The following TENM1 variants were observed in gnomAD, a reference collection of about 807,000 sequenced individuals.
TENM1 encodes the protein teneurin-1.
In TENM1, 35 loss-of-function variants were observed where a neutral mutation model predicts 174.8. That is an observed-to-expected ratio of 0.20 (90% CI 0.15 to 0.27). TENM1 has a LOEUF of 0.27. TENM1 is among the 10% of genes least tolerant of loss of function. The pLI, the probability that TENM1 is intolerant of heterozygous loss-of-function variation, is 1.00. For missense variants in TENM1, 1,633 were observed against 2,130.1 expected, an observed-to-expected ratio of 0.77 and a Z score of 4.59; for synonymous variants, 781 against 798.7, an observed-to-expected ratio of 0.98 and a Z score of 0.37.
intron 19 of TENM1, among the ~76,000 whole-genome samples, chrX:124,499,857 G>A (rs910276976): frequency 8.9e-6 from 1 of 111,810 alleles, no homozygotes; most frequent in Non-Finnish European, 1.9e-5. Flanking sequence ...TTTCAGCAAT[G>A]CACTATAGTG....
intron 3 of TENM1, among the ~76,000 whole-genome samples, chrX:124,892,435 A>C (rs980199980): frequency 8.9e-6 from 1 of 111,892 alleles, no homozygotes; most frequent in Non-Finnish European, 1.9e-5. Context: ...GGGCAACCAA[A>C]CAGAGTTAAG....
At chrX:124,498,004 A>G in intron 19 of TENM1, among the ~76,000 whole-genome samples, 1 of 111,035 alleles carries the variant, frequency 9.0e-6, no homozygotes, top group East Asian at 2.9e-4. Flanking sequence ...TTCCTTCTAG[A>G]CCTCTTTACT....
exon 24 of TENM1, chrX:124,422,488 C>T (rs749596467): frequency 6.6e-6 from 8 of 1,209,298 alleles, no homozygotes; most frequent in African/African-American, 5.3e-5. Context: ...AGGAAATGAT[C>T]GATGCCTGGC....
chrX:124,820,212 A>G (rs1188441064), intron 3 of TENM1, among the ~76,000 whole-genome samples: 1 of 111,058 alleles, frequency 9.0e-6, no homozygotes, highest in African/African-American at 3.3e-5. Context: ...CAGACAACCC[A>G]TTTTGCTTCC....
chrX:125,096,289 C>T, the TENM1 span, among the ~76,000 whole-genome samples: 3 of 112,009 alleles, frequency 2.7e-5, no homozygotes, highest in Non-Finnish European at 5.6e-5. Flanking sequence ...TGTGGCTAAA[C>T]AGCAAGTTGT....
chrX:124,951,639 A>AAT (rs1156297240), intron 1 of TENM1, among the ~76,000 whole-genome samples: 59 of 63,016 alleles, frequency 9.4e-4, no homozygotes, highest in Admixed American at 5.5e-3. Flanking sequence ...GAAAAGTTAA[A>AAT]ATATATATAT....
chrX:125,112,134 T>TTGTGTGTG, the TENM1 span, among the ~76,000 whole-genome samples: 1,372 of 92,681 alleles, frequency 0.015, 11 homozygotes, highest in South Asian at 0.032. Context: ...TTTAATGAAA[T>TTGTGTGTG]TGTGTGTGTG....
chrX:124,887,668 C>T (rs1190935234), intron 3 of TENM1, among the ~76,000 whole-genome samples: 1 of 111,253 alleles, frequency 9.0e-6, no homozygotes, highest in Non-Finnish European at 1.9e-5. Flanking sequence ...ACAGTCACCA[C>T]AGAAGTGTCT....
chrX:124,526,270 T>C (rs930322564), intron 16 of TENM1, among the ~76,000 whole-genome samples: 1 of 111,765 alleles, frequency 8.9e-6, no homozygotes, highest in African/African-American at 3.3e-5. Flanking sequence ...TTCCTGAGAG[T>C]TTCCAGTCTT....
At chrX:124,606,711 G>C (rs138467103) in intron 11 of TENM1, among the ~76,000 whole-genome samples, 1,334 of 111,453 alleles carry the variant, frequency 0.012, 16 homozygotes, top group African/African-American at 0.042. Flanking sequence ...AATGAGCATG[G>C]GTTCTAGAAT....
chrX:124,646,832 T>TA (rs771200180), intron 8 of TENM1, 22 bp from the exon 12 acceptor site: 44 of 1,072,858 alleles, frequency 4.1e-5, no homozygotes, highest in East Asian at 9.1e-5. Flanking sequence ...GAGAAAAAGA[T>TA]AAAAAAAATG....
chrX:124,652,322 G>A (rs146410793), intron 7 of TENM1, among the ~76,000 whole-genome samples, 198 bp from the exon 11 acceptor site: 1,197 of 111,274 alleles, frequency 0.011, 15 homozygotes, highest in African/African-American at 0.037. Context: ...ACTTTGGGAG[G>A]CGAGGACAGG....
chrX:124,524,804 G>A (rs2047937241), intron 16 of TENM1, among the ~76,000 whole-genome samples: 2 of 104,192 alleles, frequency 1.9e-5, no homozygotes, highest in Admixed American at 1.0e-4. Context: ...TCTCTTTTAA[G>A]TATAATGACG....
chrX:124,851,853 G>A (rs972494164), intron 3 of TENM1, among the ~76,000 whole-genome samples: 4 of 111,452 alleles, frequency 3.6e-5, no homozygotes, highest in Middle Eastern at 4.6e-3. Flanking sequence ...TCACAGTTCA[G>A]TGAAAAGATA....
At chrX:124,426,927 G>A (rs1015835621) in intron 23 of TENM1, among the ~76,000 whole-genome samples, 1 of 111,422 alleles carries the variant, frequency 9.0e-6, no homozygotes, top group Non-Finnish European at 1.9e-5. Context: ...GAGAGTGAAC[G>A]CCTGCTGCTT....
the TENM1 span, among the ~76,000 whole-genome samples, chrX:124,981,667 G>C: frequency 9.0e-6 from 1 of 111,139 alleles, no homozygotes; most frequent in Non-Finnish European, 1.9e-5. Context: ...AACACTGAAT[G>C]CAATATGTTT....
In TENM1 at chrX:124,929,753, C is replaced by G. The variant is rs764762302; in HGVS notation, c.218-33512G>C. On this transcript the variant is annotated intron_variant, in intron 1 of 31. Coordinates refer to ENST00000422452, the Ensembl canonical transcript of TENM1. ...CATCCTAATTTCCCATAAGCTATGCCTCAGAATTACTATGGATTACAAATT... is the reference window on the plus strand; with the variant it reads ...CATCCTAATTTCCCATAAGCTATGCGTCAGAATTACTATGGATTACAAATT... Among the ~76,000 whole-genome samples the G allele has an allele frequency of 5.4e-5, 6 of 111,743 alleles. No homozygotes were observed. The Admixed American group carries it at 5.7e-4, about 11-fold the overall frequency.
intron 1 of TENM1, among the ~76,000 whole-genome samples, chrX:124,944,369 T>C (rs781511920): frequency 8.1e-5 from 9 of 111,362 alleles, no homozygotes; most frequent in African/African-American, 2.9e-4. Flanking sequence ...GCAGGCCACT[T>C]AAATAAAAAT....
Position 124,897,689 on chromosome X carries a change from CTCTT to C in TENM1, c.218-1452_218-1449del, listed in dbSNP as rs773376391. Reference sequence around the variant, plus strand: ...TTAGAAATATTCAATTAAAAATTAACTCTTTCAGGGTTATAAGTCACTGCTGAGT... The same window carrying C: ...TTAGAAATATTCAATTAAAAATTAACTCAGGGTTATAAGTCACTGCTGAGT... On this transcript the variant is annotated intron_variant, in intron 1 of 31. Transcript: ENST00000422452. 4.7e-3 allele frequency among the ~76,000 whole-genome samples: 529 copies of C among 112,239 alleles called. 5 individuals are homozygous for C. The highest frequency in any genetic ancestry group is 0.016 in the Admixed American group (174 of 10,630).
Sources: allele counts gnomAD v4.1 joint callset (sites outside exome capture counted in the v4.1 genomes callset), GRCh38; gene constraint gnomAD v4.1.1; transcripts MANE v1.5; gene names NCBI Gene and HGNC (gene_info 2026-07-23, HGNC 2026-07-21).